VPS26B: variants seen among roughly 807,000 people sequenced by gnomAD.
VPS26B encodes the protein vacuolar protein sorting-associated protein 26B.
In VPS26B, 10 loss-of-function variants were observed where a neutral mutation model predicts 33.3. That is an observed-to-expected ratio of 0.30 (90% CI 0.19 to 0.51). The LOEUF is 0.51. Among genes scored for constraint, VPS26B ranks in the 20% least tolerant of loss-of-function variants. The probability of loss-of-function intolerance (pLI) is 0.98; values close to 1 mark genes in which losing one functional copy is unlikely to be tolerated. For synonymous variants in VPS26B, 190 were observed against 176.9 expected, an observed-to-expected ratio of 1.07 and a Z score of -0.59; for missense variants, 317 against 452.7, an observed-to-expected ratio of 0.70 and a Z score of 2.72.
intron 1 of VPS26B, among the ~76,000 whole-genome samples, chr11:134,229,106 T>G (rs947997761): frequency 2.0e-5 from 3 of 152,174 alleles, no homozygotes; most frequent in Admixed American, 6.5e-5. Flanking sequence ...CACAGCTCAC[T>G]GCAGCCTCAA....
intron 3 of VPS26B, 93 bp from the exon 4 acceptor site, chr11:134,243,026 C>T: frequency 7.7e-7 from 1 of 1,304,770 alleles, no homozygotes; most frequent in Non-Finnish European, 1.1e-6. Context: ...GACGTTTAAC[C>T]AGCACGCTTG....
chr11:134,233,861 T>G (rs942946857), intron 1 of VPS26B, among the ~76,000 whole-genome samples: 4 of 152,324 alleles, frequency 2.6e-5, no homozygotes, highest in African/African-American at 9.6e-5. Context: ...TAGCAAAACT[T>G]ATACTTAAAT....
At chr11:134,239,072 C>T (rs181177672) in intron 2 of VPS26B, among the ~76,000 whole-genome samples, 7 of 152,066 alleles carry the variant, frequency 4.6e-5, no homozygotes, top group South Asian at 2.1e-4. Flanking sequence ...TGCTAAGTGC[C>T]GGGGATGACA....
intron 1 of VPS26B, among the ~76,000 whole-genome samples, chr11:134,228,548 T>G (rs1938511851): frequency 1.3e-5 from 2 of 152,032 alleles, no homozygotes; most frequent in Admixed American, 1.3e-4. Context: ...TGTAGTTCTA[T>G]TCGATGTAAA....
In VPS26B at chr11:134,244,673, C is replaced by T. The variant is rs1313647960; in HGVS notation, c.722-265C>T. ...TGCATGTAATCAAAAGATGCTTATA[C>T]TAATAATGACCTGTGCTGTTCCCAC... On this transcript the variant is annotated intron_variant, in intron 4 of 5. Coordinates refer to ENST00000281187, the MANE Select transcript of VPS26B (RefSeq NM_052875.5). The surrounding 1 kb of genome is among the most constrained non-coding windows in gnomAD (Gnocchi z 4.0). The T allele has an allele frequency of 1.5e-5, 6 of 389,852 alleles. No homozygotes were observed. The highest frequency in any genetic ancestry group is 5.4e-5 in the South Asian group (1 of 18,470). The allele number at this position is 389,852 out of a possible 1,614,324, so 24.1% of individuals were successfully genotyped here. A position where few individuals can be genotyped will look rare whatever the true frequency, so the allele number is the denominator to read the frequency against.
At position 134,244,992 on chromosome 11, in the gene VPS26B, T is replaced by G; in HGVS notation, c.776T>G (p.Met259Arg). 1 of 1,614,136 alleles carries G rather than the reference T, an allele frequency of 6.2e-7. No homozygotes were observed. The highest frequency in any genetic ancestry group is 8.5e-7 in the Non-Finnish European group (1 of 1,180,034). ...FLAGYELTPT[M>R]RDINKKFSVR... Reference sequence around the variant, plus strand: ...GCCGGGTATGAGCTCACGCCCACCATGCGGGACATCAACAAGAAGTTCTCT... The same window carrying G: ...GCCGGGTATGAGCTCACGCCCACCAGGCGGGACATCAACAAGAAGTTCTCT... Residue 259 changes from methionine (M) to arginine (R), a missense_variant, in exon 5 of 6, where the codon ATG becomes AGG. Transcript: ENST00000281187. This position sits in a 1 kb window ranked among gnomAD's most constrained non-coding sequence, Gnocchi z 4.0.
chr11:134,242,053 C>T (rs1043516776), intron 3 of VPS26B, among the ~76,000 whole-genome samples: 2 of 152,232 alleles, frequency 1.3e-5, no homozygotes, highest in African/African-American at 4.8e-5. Context: ...TCCCCGCTTA[C>T]ACCTAGAGCA....
At position 134,245,303 on chromosome 11, in the gene VPS26B, C is replaced by G; in HGVS notation, c.865-141C>G. On this transcript the variant is annotated intron_variant, in intron 5 of 5. Transcript: ENST00000281187. This position sits in a 1 kb window ranked among gnomAD's most constrained non-coding sequence, Gnocchi z 4.7. ...GGCCCACACCAGGGACAGGGAGGTG[C>G]TGGCAGCTGCTGCCTTTGGTGAGAG... The G allele has an allele frequency of 7.4e-7, 1 of 1,350,750 alleles. No individual in the cohort carries two copies. Among genetic ancestry groups the G allele is most frequent in the South Asian group, 1.4e-5 (1 of 71,714 alleles). The allele number at this position is 1,350,750 out of a possible 1,614,324, so 83.7% of individuals were successfully genotyped here.
In VPS26B at chr11:134,245,505, T is replaced by C; in HGVS notation, c.926T>C (p.Ile309Thr). 1 of 1,613,968 alleles carries C rather than the reference T, an allele frequency of 6.2e-7. No homozygotes were observed. Among genetic ancestry groups the C allele is most frequent in the Non-Finnish European group, 8.5e-7 (1 of 1,179,964 alleles). ...VRKSMSHQAA[I>T]ASQRFEGTTS... ...AAGAGCATGTCCCACCAGGCGGCCA[T>C]CGCCTCACAGCGCTTTGAGGGCACC... is the stretch of plus-strand genomic sequence containing the variant. Residue 309 changes from isoleucine to threonine, a missense_variant, in exon 6 of 6, where the codon ATC becomes ACC. Transcript: ENST00000281187. This position sits in a 1 kb window ranked among gnomAD's most constrained non-coding sequence, Gnocchi z 4.7.
chr11:134,238,296 A>G (rs1215978949), intron 2 of VPS26B, among the ~76,000 whole-genome samples: 3 of 152,126 alleles, frequency 2.0e-5, no homozygotes, highest in Non-Finnish European at 4.4e-5. Context: ...AAATGCAGAG[A>G]CATGTTTAGG....
rs540358465 is a variant in VPS26B at position 134,225,596 on chromosome 11, C to T, written c.223+251C>T. On this transcript the variant is annotated intron_variant, in intron 1 of 5. Transcript: ENST00000281187. ...CGGGAGGAAGCGCCCTGCTGTGCCT[C>T]GTGGGATGGGCACCTTGCCTATGGG... 9 of 520,072 alleles carry T rather than the reference C, an allele frequency of 1.7e-5. No homozygotes were observed. In the East Asian group the frequency reaches 2.1e-4, roughly 12 times the overall value. The allele number at this position is 520,072 out of a possible 1,614,324, so 32.2% of individuals were successfully genotyped here.
chr11:134,226,878 C>G (rs1186344598), intron 1 of VPS26B, among the ~76,000 whole-genome samples: 2 of 152,168 alleles, frequency 1.3e-5, no homozygotes, highest in African/African-American at 4.8e-5. Context: ...AACATGAAAT[C>G]AGGTTGAAGA....
In VPS26B at chr11:134,244,536, T is replaced by A. The variant is rs1172197746; in HGVS notation, c.722-402T>A. On this transcript the variant is annotated intron_variant, in intron 4 of 5. Transcript: ENST00000281187. This position sits in a 1 kb window ranked among gnomAD's most constrained non-coding sequence, Gnocchi z 4.0. ...GTCCACACAAGAGGGAGGATGTATT[T>A]TGGGGGGCATACACTGAGGATGGAG... is the stretch of plus-strand genomic sequence containing the variant. 6.3e-6 allele frequency: 1 copy of A among 159,674 alleles called. No individual in the cohort carries two copies. Among genetic ancestry groups the A allele is most frequent in the Non-Finnish European group, 1.4e-5 (1 of 73,312 alleles). 9.9% of individuals were successfully genotyped at this position (159,674 alleles called of 1,614,324 possible).
In VPS26B at chr11:134,225,050, C is replaced by A; in HGVS notation, c.-73C>A. ...CTCGCGCATCGGGCCCTCTGGCCTT[C>A]TTTACCTAGGGCAGCCCGCGCCCCG... is the stretch of plus-strand genomic sequence containing the variant. On this transcript the variant is annotated 5_prime_UTR_variant, in exon 1 of 6. Coordinates refer to ENST00000281187, the MANE Select transcript of VPS26B (RefSeq NM_052875.5). 1.4e-6 allele frequency: 2 copies of A among 1,451,892 alleles called. No individual in the cohort carries two copies. The highest frequency in any genetic ancestry group is 1.8e-6 in the Non-Finnish European group (2 of 1,085,584). The allele number at this position is 1,451,892 out of a possible 1,614,324, so 89.9% of individuals were successfully genotyped here. A position where few individuals can be genotyped will look rare whatever the true frequency, so the allele number is the denominator to read the frequency against.
rs561331258 is a variant in VPS26B, at chr11:134,246,149, T to G, written c.*559T>G. ...CAAGTTCCCACAGGCCACCTCCTTC[T>G]GGCCACTCACTGCTGGGACCCAGGC... is the stretch of plus-strand genomic sequence containing the variant. On this transcript the variant is annotated 3_prime_UTR_variant, in exon 6 of 6. Transcript: ENST00000281187. 1 of 154,252 alleles carries G rather than the reference T, an allele frequency of 6.5e-6. No individual in the cohort carries two copies. The highest frequency in any genetic ancestry group is 2.0e-4 in the South Asian group (1 of 4,968). 9.6% of individuals were successfully genotyped at this position (154,252 alleles called of 1,614,324 possible).
At chr11:134,239,595 CAGGA>C in intron 2 of VPS26B, 1 of 198,720 alleles carries the variant, frequency 5.0e-6, no homozygotes, top group Non-Finnish European at 1.1e-5. Flanking sequence ...CCCCAAAAGC[CAGGA>C]GTTAGCTGAT....
chr11:134,239,703 T>G, intron 2 of VPS26B: 1 of 426,806 alleles, frequency 2.3e-6, no homozygotes, highest in Non-Finnish European at 4.4e-6. Flanking sequence ...GGCAGAGAAA[T>G]CACTTTCCCT....
chr11:134,245,206 C>T lies in VPS26B; in HGVS notation c.864+126C>T. On this transcript the variant is annotated intron_variant, in intron 5 of 5. Coordinates refer to ENST00000281187, the MANE Select transcript of VPS26B (RefSeq NM_052875.5). This position sits in a 1 kb window ranked among gnomAD's most constrained non-coding sequence, Gnocchi z 4.7. Reference sequence around the variant, plus strand: ...CATTAGGTCGCCCACAATTGCACAACAAGAATGAGGATTCTCACCTGGCCT... The same window carrying T: ...CATTAGGTCGCCCACAATTGCACAATAAGAATGAGGATTCTCACCTGGCCT... 1.4e-6 allele frequency: 2 copies of T among 1,397,336 alleles called. No homozygotes were observed. Among genetic ancestry groups the T allele is most frequent in the Non-Finnish European group, 1.9e-6 (2 of 1,047,444 alleles). 86.6% of individuals were successfully genotyped at this position (1,397,336 alleles called of 1,614,324 possible). A position where few individuals can be genotyped will look rare whatever the true frequency, so the allele number is the denominator to read the frequency against.
intron 1 of VPS26B, among the ~76,000 whole-genome samples, chr11:134,229,668 T>C: frequency 6.6e-6 from 1 of 152,310 alleles, no homozygotes; most frequent in East Asian, 1.9e-4. Flanking sequence ...AACCAGTGTC[T>C]CCTCTCTCTT....
Sources: allele counts gnomAD v4.1 joint callset (sites outside exome capture counted in the v4.1 genomes callset), GRCh38; gene constraint gnomAD v4.1.1; non-coding constraint Gnocchi (gnomAD v3.1); transcripts MANE v1.5; gene names NCBI Gene and HGNC (gene_info 2026-07-23, HGNC 2026-07-21).